The following DPP10 variants were observed in gnomAD, a reference collection of about 807,000 sequenced individuals.
DPP10 encodes inactive dipeptidyl peptidase 10.
In DPP10, 33 loss-of-function variants were observed where a neutral mutation model predicts 120.9. That is an observed-to-expected ratio of 0.27 (90% confidence interval 0.21 to 0.37). DPP10 has a LOEUF of 0.37. Ranked by LOEUF, DPP10 falls within the 10% of genes least tolerant of loss-of-function variation. The pLI, the probability that DPP10 is intolerant of heterozygous loss-of-function variation, is 1.00. For synonymous variants in DPP10, 337 were observed against 326.1 expected, an observed-to-expected ratio of 1.03 and a Z score of -0.36; for missense variants, 816 against 942.8, an observed-to-expected ratio of 0.87 and a Z score of 1.76.
At chr2:114,579,776 G>C (rs550889237) in intron 1 of DPP10, among the ~76,000 whole-genome samples, 1 of 152,172 alleles carries the variant, frequency 6.6e-6, no homozygotes, top group Admixed American at 6.5e-5. Flanking sequence ...TATTTGTTCC[G>C]GAGTCTTTAA....
At chr2:115,268,666 G>A (rs1042674965) in intron 1 of DPP10, among the ~76,000 whole-genome samples, 1 of 152,162 alleles carries the variant, frequency 6.6e-6, no homozygotes, top group Non-Finnish European at 1.5e-5. Flanking sequence ...GGCAGTGGGT[G>A]TATCGATTAT....
chr2:115,621,744 A>G (rs145273774), intron 5 of DPP10, among the ~76,000 whole-genome samples: 1,691 of 152,254 alleles, frequency 0.011, 30 homozygotes, highest in African/African-American at 0.039. Flanking sequence ...CAATGTTGCG[A>G]TCTCGGCTCA....
At chr2:114,815,340 C>T (rs894863649) in intron 1 of DPP10, among the ~76,000 whole-genome samples, 1 of 152,128 alleles carries the variant, frequency 6.6e-6, no homozygotes, top group Non-Finnish European at 1.5e-5. Flanking sequence ...GAGCCAAGCA[C>T]TCATGTACTA....
At chr2:114,574,010 A>T (rs1689856418) in intron 1 of DPP10, among the ~76,000 whole-genome samples, 1 of 152,148 alleles carries the variant, frequency 6.6e-6, no homozygotes. Context: ...ATACCAAGAG[A>T]GGCTCAAGCA....
intron 1 of DPP10, among the ~76,000 whole-genome samples, chr2:114,808,064 C>G (rs1250379496): frequency 6.6e-6 from 1 of 152,178 alleles, no homozygotes; most frequent in Non-Finnish European, 1.5e-5. Flanking sequence ...AACGTTTCAG[C>G]AGCGCTGGAC....
intron 1 of DPP10, among the ~76,000 whole-genome samples, chr2:114,902,417 C>G (rs540411998): frequency 2.0e-5 from 3 of 152,158 alleles, no homozygotes; most frequent in Non-Finnish European, 2.9e-5. Flanking sequence ...ACTCTGTGAT[C>G]GTTCAGTTGT....
intron 1 of DPP10, among the ~76,000 whole-genome samples, chr2:114,591,013 A>G (rs565810213): frequency 2.0e-4 from 31 of 152,278 alleles, no homozygotes; most frequent in African/African-American, 7.2e-4. Flanking sequence ...AGTCGTCTGT[A>G]TTTGGGGAAA....
At chr2:114,925,022 T>C (rs945663598) in intron 1 of DPP10, among the ~76,000 whole-genome samples, 3 of 151,988 alleles carry the variant, frequency 2.0e-5, no homozygotes, top group Non-Finnish European at 2.9e-5. Flanking sequence ...CCAGCCTGGC[T>C]AACACGGTGA....
At chr2:114,848,801 G>T (rs1300639702) in intron 1 of DPP10, among the ~76,000 whole-genome samples, 1 of 152,128 alleles carries the variant, frequency 6.6e-6, no homozygotes, top group African/African-American at 2.4e-5. Flanking sequence ...GACCTCTATG[G>T]GAGTCTGTTC....
intron 1 of DPP10, among the ~76,000 whole-genome samples, chr2:115,077,717 A>G (rs2104475920): frequency 6.6e-6 from 1 of 152,310 alleles, no homozygotes; most frequent in Admixed American, 6.5e-5. Context: ...CTGCCAAAAC[A>G]CGTGGGCCTG....
At chr2:115,830,513 C>A (rs1460576084) in intron 21 of DPP10, among the ~76,000 whole-genome samples, 5 of 152,090 alleles carry the variant, frequency 3.3e-5, no homozygotes, top group African/African-American at 7.2e-5. Context: ...ATGTGCCCAG[C>A]ACTTTTTTTG....
chr2:115,382,669 A>T (rs2066493832), intron 3 of DPP10, among the ~76,000 whole-genome samples: 1 of 152,086 alleles, frequency 6.6e-6, no homozygotes, highest in Non-Finnish European at 1.5e-5. Flanking sequence ...TATGAGGTAA[A>T]AGTAGGGACA....
chr2:115,212,253 TA>T (rs2056564244), intron 1 of DPP10, among the ~76,000 whole-genome samples: 1 of 152,122 alleles, frequency 6.6e-6, no homozygotes, highest in African/African-American at 2.4e-5. Context: ...GACCCTTCAT[TA>T]CAGACTCTTT....
At chr2:115,112,477 AT>A (rs1055602494) in intron 1 of DPP10, among the ~76,000 whole-genome samples, 2 of 152,194 alleles carry the variant, frequency 1.3e-5, no homozygotes. Context: ...TTGCTTTGAA[AT>A]TCTGTATGTA....
At chr2:115,699,161 C>T (rs2091770961) in intron 7 of DPP10, among the ~76,000 whole-genome samples, 1 of 151,212 alleles carries the variant, frequency 6.6e-6, no homozygotes, top group African/African-American at 2.4e-5. Context: ...TACCAATAAA[C>T]TGGATAACCT....
At chr2:114,808,597 A>G (rs1275413488) in intron 1 of DPP10, among the ~76,000 whole-genome samples, 1 of 150,792 alleles carries the variant, frequency 6.6e-6, no homozygotes, top group Admixed American at 6.6e-5. Context: ...AGCACTTGAC[A>G]TAAAAATGAA....
At chr2:115,261,409 A>G (rs1031083919) in intron 1 of DPP10, among the ~76,000 whole-genome samples, 3 of 152,212 alleles carry the variant, frequency 2.0e-5, no homozygotes, top group African/African-American at 7.2e-5. Context: ...AATACGGTTT[A>G]GTGAATCTGG....
chr2:115,514,878 A>G (rs1030562610), intron 4 of DPP10, among the ~76,000 whole-genome samples: 8 of 151,884 alleles, frequency 5.3e-5, no homozygotes, highest in Non-Finnish European at 1.2e-4. Context: ...GTATCTGTCA[A>G]AAATCTTCTA....
At chr2:115,125,996 C>A (rs563866226) in intron 1 of DPP10, among the ~76,000 whole-genome samples, 49 of 152,266 alleles carry the variant, frequency 3.2e-4, no homozygotes, top group Non-Finnish European at 5.6e-4. Flanking sequence ...TCCAAAATGA[C>A]CAAATACATA....
Sources: gnomAD v4.1 joint callset for allele counts (sites outside exome capture counted in the v4.1 genomes callset) on GRCh38, gnomAD v4.1.1 for gene constraint, MANE v1.5 for transcripts, NCBI Gene and HGNC (gene_info 2026-07-23, HGNC 2026-07-21) for gene names.